Variants in FER1L5 observed in about 807,000 individuals in gnomAD.
FER1L5 encodes fer-1-like protein 5.
A neutral mutation model predicts 279.9 loss-of-function variants in FER1L5; 187 were observed. That is an observed-to-expected ratio of 0.67 (90% CI 0.59 to 0.75). The LOEUF is 0.75. Among genes scored for constraint, FER1L5 ranks in the 30% least tolerant of loss-of-function variants. FER1L5 has a pLI of 0.00. For missense variants in FER1L5, 2,091 were observed against 2,594.4 expected (o/e 0.81, Z 4.21); for synonymous variants, 921 against 989.7 (o/e 0.93, Z 1.30).
rs756686241 is a variant in FER1L5, at chr2:96,699,150, A to AC, written c.4610+19dup. The AC allele has an allele frequency of 6.3e-7, 1 of 1,592,872 alleles. No homozygotes were observed. Among genetic ancestry groups the AC allele is most frequent in the East Asian group, 2.3e-5 (1 of 43,928 alleles). The stretch of plus-strand genomic sequence containing the variant: ...CATCTTTGGCATGTGAGCTGCCCCA[A>AC]CCCCCAAGACCCCTTCTCCACTCCT... On this transcript the variant is annotated intron_variant, in intron 42 of 52. Coordinates refer to ENST00000624922, the MANE Select transcript of FER1L5 (RefSeq NM_001293083.2).
intron 19 of FER1L5, among the ~76,000 whole-genome samples, chr2:96,673,463 A>T (rs2076401909): frequency 6.6e-6 from 1 of 152,076 alleles, no homozygotes; most frequent in Non-Finnish European, 1.5e-5. Context: ...CTAGGTCTTG[A>T]CATGAAGTCC....
chr2:96,655,726 T>G (rs184009695), intron 9 of FER1L5, among the ~76,000 whole-genome samples: 119 of 152,306 alleles, frequency 7.8e-4, no homozygotes, highest in Middle Eastern at 6.8e-3. Context: ...TTCTTTTTTT[T>G]TGAGACGTGA....
intron 19 of FER1L5, among the ~76,000 whole-genome samples, chr2:96,679,214 G>A (rs1028328718): frequency 6.6e-6 from 1 of 151,036 alleles, no homozygotes; most frequent in Admixed American, 6.6e-5. Flanking sequence ...TGGGCATGGC[G>A]ACACACACCT....
At chr2:96,704,401 C>A in intron 52 of FER1L5, 39 bp downstream of exon 52, 1 of 1,612,724 alleles carries the variant, frequency 6.2e-7, no homozygotes, top group South Asian at 1.1e-5. Flanking sequence ...AAGGTGGTCT[C>A]GGGATGACTC....
In FER1L5 at chr2:96,682,324, T is replaced by A. The variant is rs192459604; in HGVS notation, c.1670-2003T>A. 7.9e-3 allele frequency among the ~76,000 whole-genome samples: 1,199 copies of A among 152,274 alleles called. 8 individuals are homozygous for A. Among genetic ancestry groups the A allele is most frequent in the Middle Eastern group, 0.017 (5 of 294 alleles). Reference sequence around the variant, plus strand: ...CCAGGCTGGTCTCAAACTCCAGACCTCAGGTGATCCTCCCGCCTTGGCCTC... The same window carrying A: ...CCAGGCTGGTCTCAAACTCCAGACCACAGGTGATCCTCCCGCCTTGGCCTC... On this transcript the variant is annotated intron_variant, in intron 19 of 52. Transcript: ENST00000624922.
At chr2:96,666,720 A>G (rs182541293) in intron 14 of FER1L5, among the ~76,000 whole-genome samples, 135 of 151,516 alleles carry the variant, frequency 8.9e-4, no homozygotes, top group Non-Finnish European at 1.5e-3. Flanking sequence ...ACGCAATCTC[A>G]GCTCACTGCA....
chr2:96,700,218 A>C, intron 44 of FER1L5, 114 bp from the exon 45 acceptor site: 1 of 1,561,044 alleles, frequency 6.4e-7, no homozygotes, highest in Admixed American at 1.8e-5. Flanking sequence ...AGAGCAGCCC[A>C]TCCCTTTCCC....
Position 96,698,666 on chromosome 2 carries a change from G to C in FER1L5, c.4357-5G>C, listed in dbSNP as rs776612922. ...GCTGGGCCCCCAACACCCTCCCCCC[G>C]CCAGGGCCTTTTCCGCATCTACCCC... On this transcript the variant is annotated splice_polypyrimidine_tract_variant and splice_region_variant and intron_variant, in intron 40 of 52. Transcript: ENST00000624922. This position sits in a 1 kb window ranked among gnomAD's most constrained non-coding sequence, Gnocchi z 5.5. The C allele has an allele frequency of 1.5e-5, 24 of 1,575,790 alleles. No homozygotes were observed. The East Asian group carries it at 4.2e-4, about 28-fold the overall frequency.
chr2:96,700,568 A>G (rs2077554948), intron 45 of FER1L5, 97 bp downstream of exon 45: 3 of 1,512,244 alleles, frequency 2.0e-6, no homozygotes, highest in South Asian at 2.3e-5. Context: ...ACGAGAGGAG[A>G]AGGACAGGCC....
chr2:96,646,306 G>A (rs1439143021), intron 1 of FER1L5, 95 bp from the exon 2 acceptor site: 2 of 1,401,396 alleles, frequency 1.4e-6, no homozygotes, highest in African/African-American at 2.9e-5. Context: ...CCGACTTGAA[G>A]TTTTCTTAGA....
At chr2:96,684,524 T>A (rs2076849581) in intron 20 of FER1L5, 73 bp downstream of exon 20, 2 of 1,508,228 alleles carry the variant, frequency 1.3e-6, no homozygotes, top group Non-Finnish European at 1.8e-6. Flanking sequence ...GGAAACTGCA[T>A]CACAGTGGCA....
chr2:96,692,188 G>A lies in FER1L5; in HGVS notation c.3292+7G>A. 1 of 1,551,664 alleles carries A rather than the reference G, an allele frequency of 6.4e-7. No individual in the cohort carries two copies. The highest frequency in any genetic ancestry group is 8.7e-7 in the Non-Finnish European group (1 of 1,146,968). On this transcript the variant is annotated splice_region_variant and intron_variant, in intron 31 of 52. Coordinates refer to ENST00000624922, the MANE Select transcript of FER1L5 (RefSeq NM_001293083.2). Reference sequence around the variant, plus strand: ...CAGATCCTGACATTCCAAGGTAGGTGGCAGGCAGCCTTGTCCCCAGCTGAG... The same window carrying A: ...CAGATCCTGACATTCCAAGGTAGGTAGCAGGCAGCCTTGTCCCCAGCTGAG...
rs747589069 is a variant in FER1L5 at position 96,700,019 on chromosome 2, G to C, written c.4869G>C (p.Leu1623=). ...AGCGGAAAGGGCTACCTCCGCCTCTGTTCAGTCCTGAGGAAGATGCTGTTT... is the reference window on the plus strand; with the variant it reads ...AGCGGAAAGGGCTACCTCCGCCTCTCTTCAGTCCTGAGGAAGATGCTGTTT... ...YAKRKGLPPP[L]FSPEEDAVFY... is the part of the protein sequence containing the mutation. Residue 1623 remains leucine (L), a synonymous_variant, in exon 44 of 53, where the codon CTG becomes CTC. Coordinates refer to ENST00000624922, the MANE Select transcript of FER1L5 (RefSeq NM_001293083.2). 1 of 1,613,884 alleles carries C rather than the reference G, an allele frequency of 6.2e-7. No individual in the cohort carries two copies. The highest frequency in any genetic ancestry group is 8.5e-7 in the Non-Finnish European group (1 of 1,179,912).
At chr2:96,662,088 G>C in intron 12 of FER1L5, 127 bp from the exon 13 acceptor site, 1 of 952,608 alleles carries the variant, frequency 1.0e-6, no homozygotes, top group Non-Finnish European at 1.6e-6. Context: ...GGGAACTGGA[G>C]ACAGGTCTGC....
In FER1L5 at chr2:96,694,142, C is replaced by T. The variant is rs548855833; in HGVS notation, c.3636+70C>T. 1.1e-4 allele frequency: 156 copies of T among 1,474,786 alleles called. No homozygotes were observed. The highest frequency in any genetic ancestry group is 2.8e-4 in the African/African-American group (20 of 71,716). 91.4% of individuals were successfully genotyped at this position (1,474,786 alleles called of 1,614,324 possible). ...CCCTCCCCGTCCCACCCCCAGCCAG[C>T]GGGGGCCAACTCCACCCTGTCAGGA... On this transcript the variant is annotated intron_variant, in intron 33 of 52. Transcript: ENST00000624922. The surrounding 1 kb of genome is among the most constrained non-coding windows in gnomAD (Gnocchi z 4.6).
rs751494017 is a variant in FER1L5 at position 96,700,090 on chromosome 2, G to A, written c.4930+10G>A. 1.1e-5 allele frequency: 17 copies of A among 1,613,464 alleles called. No individual in the cohort carries two copies. In the East Asian group the frequency reaches 1.1e-4, roughly 11 times the overall value. ...AAGCTGCAAAGCTTTGGTGAGCAGC[G>A]CAGAACACTAGCAGAAAGCACAGAC... On this transcript the variant is annotated intron_variant, in intron 44 of 52. Transcript: ENST00000624922.
chr2:96,652,117 A>T, intron 7 of FER1L5, 97 bp downstream of exon 7: 1 of 1,502,074 alleles, frequency 6.7e-7, no homozygotes, highest in Non-Finnish European at 9.0e-7. Flanking sequence ...GGGTGTCTTC[A>T]TGTGTTTGTT....
chr2:96,659,510 G>GTT lies in FER1L5; in HGVS notation c.748-831_748-830insTT, dbSNP rs1491543660. 2.8e-4 allele frequency among the ~76,000 whole-genome samples: 4 copies of GTT among 14,330 alleles called. 1 individual carries two copies. Among genetic ancestry groups the GTT allele is most frequent in the African/African-American group, 1.4e-3 (2 of 1,446 alleles). 9.4% of individuals were successfully genotyped at this position (14,330 alleles called of 152,430 possible). The stretch of plus-strand genomic sequence containing the variant: ...CTTTCTTTCTTTCTTTCTTTCTTTC[G>GTT]AGACAGAGTCTCGCTCTGTCGCCCA... On this transcript the variant is annotated intron_variant, in intron 9 of 52. Transcript: ENST00000624922.
In FER1L5 at chr2:96,698,427, C is replaced by T. The variant is rs2077463085; in HGVS notation, c.4357-244C>T. ...AAGGGATAGATGGGGTGGAATGAGTCCACAGCGGCACAGACGGGGAACTCA... is the reference window on the plus strand; with the variant it reads ...AAGGGATAGATGGGGTGGAATGAGTTCACAGCGGCACAGACGGGGAACTCA... On this transcript the variant is annotated intron_variant, in intron 40 of 52. Coordinates refer to ENST00000624922, the MANE Select transcript of FER1L5 (RefSeq NM_001293083.2). This position sits in a 1 kb window ranked among gnomAD's most constrained non-coding sequence, Gnocchi z 5.5. 6.6e-6 allele frequency among the ~76,000 whole-genome samples: 1 copy of T among 152,130 alleles called. No individual in the cohort carries two copies. The highest frequency in any genetic ancestry group is 6.5e-5 in the Admixed American group (1 of 15,278).
Sources: gnomAD v4.1 joint callset for allele counts (sites outside exome capture counted in the v4.1 genomes callset) on GRCh38, gnomAD v4.1.1 for gene constraint, Gnocchi (gnomAD v3.1) non-coding constraint, MANE v1.5 for transcripts, NCBI Gene and HGNC (gene_info 2026-07-23, HGNC 2026-07-21) for gene names.